The following NOA1 variants were observed in gnomAD, a reference collection of about 807,000 sequenced individuals.
NOA1 encodes the protein nitric oxide-associated protein 1.
Under a neutral mutation model 58.4 loss-of-function variants are expected in NOA1, and 35 were observed. The ratio of observed to expected loss-of-function variants is 0.60; its 90% CI spans 0.46 to 0.79. The LOEUF is 0.79. Among genes scored for constraint, NOA1 ranks in the 30% least tolerant of loss-of-function variants. NOA1 has a pLI of 0.00. For missense variants in NOA1, 895 were observed against 894.6 expected (o/e 1.00, Z -0.01); for synonymous variants, 397 against 373.4 (o/e 1.06, Z -0.73).
At chr4:56,974,526 A>G (rs1354099295) in intron 1 of NOA1, among the ~76,000 whole-genome samples, 1 of 151,896 alleles carries the variant, frequency 6.6e-6, no homozygotes. Flanking sequence ...GGTGGTGCAC[A>G]CTTGTAGTCC....
chr4:56,972,851 CT>C (rs1341435484), intron 3 of NOA1, among the ~76,000 whole-genome samples: 1 of 152,322 alleles, frequency 6.6e-6, no homozygotes. Flanking sequence ...AGATTCACCC[CT>C]AAACAGCTTT....
chr4:56,970,176 G>C (rs959117662), intron 3 of NOA1, among the ~76,000 whole-genome samples: 1 of 151,882 alleles, frequency 6.6e-6, no homozygotes, highest in Non-Finnish European at 1.5e-5. Flanking sequence ...TGTGTCTGTA[G>C]TTCCCAGCTA....
At position 56,977,237 on chromosome 4, in the gene NOA1, G is replaced by A. The variant is rs201071791; in HGVS notation, c.349C>T (p.Leu117=). The change falls in exon 1 of 7, where the codon CTA becomes TTA. Residue 117 remains leucine, a synonymous_variant. Coordinates refer to ENST00000264230, the MANE Select transcript of NOA1 (RefSeq NM_032313.4). ...GGGTGCTCCCGGGACCTGGCCCGTA[G>A]GTTTTGCTGTCGCCGCTCCTCCCGC... ...QRREERRQQN[L]RARSREHPVV... The A allele has an allele frequency of 3.1e-5, 49 of 1,595,630 alleles. No individual in the cohort carries two copies. In the African/African-American group the frequency reaches 5.5e-4, roughly 18 times the overall value.
chr4:56,977,186 A>G lies in NOA1; in HGVS notation c.400T>C (p.Leu134=), dbSNP rs1035879681. 15 of 1,565,018 alleles carry G rather than the reference A, an allele frequency of 9.6e-6. No individual in the cohort carries two copies. The African/African-American group carries it at 1.9e-4, about 20-fold the overall frequency. The part of the protein sequence containing the change: ...HPVVGHPDPA[L]PPSGVNCSGC... ...GAGCAGTTCACGCCGCTGGGCGGCA[A>G]TGCCGGGTCCGGGTGCCCCACGACC... The change falls in exon 1 of 7, where the codon TTG becomes CTG. Residue 134 remains leucine, a synonymous_variant. Coordinates refer to ENST00000264230, the MANE Select transcript of NOA1 (RefSeq NM_032313.4).
intron 6 of NOA1, 104 bp downstream of exon 6, chr4:56,964,302 G>C: frequency 5.1e-6 from 7 of 1,369,406 alleles, no homozygotes; most frequent in Non-Finnish European, 7.1e-6. Flanking sequence ...CCCGACCTCA[G>C]GTGATCCGCC....
chr4:56,967,384 A>AAAAAAAAC (rs1489613547), intron 4 of NOA1, among the ~76,000 whole-genome samples: 1 of 150,514 alleles, frequency 6.6e-6, no homozygotes, highest in Non-Finnish European at 1.5e-5. Flanking sequence ...TGTTTCAAAA[A>AAAAAAAAC]AAAAAAACAA....
intron 2 of NOA1, 76 bp downstream of exon 2, chr4:56,973,782 A>C: frequency 7.0e-7 from 1 of 1,433,638 alleles, no homozygotes; most frequent in Non-Finnish European, 9.6e-7. Context: ...CTAGCCTCGG[A>C]CAGCTGTATT....
chr4:56,977,139 G>A lies in NOA1; in HGVS notation c.447C>T (p.His149=), dbSNP rs1238297177. 3.9e-6 allele frequency: 6 copies of A among 1,557,222 alleles called. No homozygotes were observed. The Admixed American group carries it at 5.7e-5, about 15-fold the overall frequency. ...AGCCGGGCACTCCGGCGTCCTGGCAGTGCAGCTCTGCCCCACAGCCCGAGC... is the reference window on the plus strand; with the variant it reads ...AGCCGGGCACTCCGGCGTCCTGGCAATGCAGCTCTGCCCCACAGCCCGAGC... The part of the protein sequence containing the change: ...VNCSGCGAEL[H]CQDAGVPGYL... Residue 149 remains histidine (H), a synonymous_variant, in exon 1 of 7, where the codon CAC becomes CAT. Coordinates refer to ENST00000264230, the MANE Select transcript of NOA1 (RefSeq NM_032313.4).
At chr4:56,963,755 T>C (rs530694202) in intron 6 of NOA1, 94 bp from the exon 7 acceptor site, 20 of 815,838 alleles carry the variant, frequency 2.5e-5, no homozygotes, top group Non-Finnish European at 3.8e-5. Flanking sequence ...CAGAGAACGC[T>C]GTCACTCTCT....
chr4:56,975,899 T>C (rs750897380), intron 1 of NOA1, among the ~76,000 whole-genome samples: 2 of 150,872 alleles, frequency 1.3e-5, no homozygotes, highest in Non-Finnish European at 3.0e-5. Flanking sequence ...ACACAAAAAT[T>C]AGCTTGGTGT....
At chr4:56,970,385 T>C (rs1215187741) in intron 3 of NOA1, among the ~76,000 whole-genome samples, 4 of 151,754 alleles carry the variant, frequency 2.6e-5, no homozygotes, top group Non-Finnish European at 5.9e-5. Context: ...GTGGGAGAAT[T>C]GGTTGAGCCC....
chr4:56,966,240 T>A (rs993936432), intron 5 of NOA1, among the ~76,000 whole-genome samples: 1 of 152,130 alleles, frequency 6.6e-6, no homozygotes, highest in Non-Finnish European at 1.5e-5. Flanking sequence ...TTGGCCAGGC[T>A]GGTCTTGAAC....
In NOA1 at chr4:56,977,425, T is replaced by C; in HGVS notation, c.161A>G (p.Tyr54Cys). ...HSSSLGRELP[Y>C]DPVDTEGFGE... ...AAAGCCCTCCGTGTCCACGGGGTCATAAGGAAGCTCGCGTCCCAGACTCGA... is the reference window on the plus strand; with the variant it reads ...AAAGCCCTCCGTGTCCACGGGGTCACAAGGAAGCTCGCGTCCCAGACTCGA... The change falls in exon 1 of 7, where the codon TAT (tyrosine) becomes TGT (cysteine). Residue 54 changes from tyrosine (Y) to cysteine (C), a missense_variant. Tyr to Cys is a radical substitution (Grantham distance 194). Around this residue, in one of 3 missense-constraint regions of NOA1, gnomAD observed 680 missense variants for 656.5 expected, o/e 1.04. Coordinates refer to ENST00000264230, the MANE Select transcript of NOA1 (RefSeq NM_032313.4). 2 of 1,614,094 alleles carry C rather than the reference T, an allele frequency of 1.2e-6. No individual in the cohort carries two copies. Among genetic ancestry groups the C allele is most frequent in the East Asian group, 2.2e-5 (1 of 44,864 alleles).
chr4:56,974,429 A>T (rs1490668744), intron 1 of NOA1, among the ~76,000 whole-genome samples: 1 of 152,102 alleles, frequency 6.6e-6, no homozygotes, highest in Non-Finnish European at 1.5e-5. Flanking sequence ...AGGCGGGTGG[A>T]TCACTTGAGG....
At chr4:56,974,081 C>CCACCG in intron 1 of NOA1, 59 bp from the exon 2 acceptor site, 1 of 1,190,290 alleles carries the variant, frequency 8.4e-7, no homozygotes, top group Non-Finnish European at 1.2e-6. Flanking sequence ...AGAAAATGAA[C>CCACCG]ATTTTTGAGG....
intron 1 of NOA1, among the ~76,000 whole-genome samples, chr4:56,976,110 C>T (rs933725766): frequency 9.9e-5 from 15 of 152,206 alleles, no homozygotes; most frequent in African/African-American, 3.4e-4. Flanking sequence ...AGGACGCACA[C>T]TTTCTGGAAC....
chr4:56,971,315 C>CAAAA (rs35120609), intron 3 of NOA1, among the ~76,000 whole-genome samples: 1 of 53,268 alleles, frequency 1.9e-5, no homozygotes, highest in Non-Finnish European at 3.4e-5. Context: ...GACTCCATCT[C>CAAAA]AAAAAAAAAA....
intron 4 of NOA1, among the ~76,000 whole-genome samples, chr4:56,967,812 C>G (rs1313866976): frequency 6.6e-6 from 1 of 152,060 alleles, no homozygotes; most frequent in Non-Finnish European, 1.5e-5. Flanking sequence ...GGGATAGTAT[C>G]TTGTCTTAAA....
rs61747375 is a variant in NOA1 at position 56,963,503 on chromosome 4, G to C, written c.2044C>G (p.Pro682Ala). 8.7e-6 allele frequency: 14 copies of C among 1,613,894 alleles called. No individual in the cohort carries two copies. Among genetic ancestry groups the C allele is most frequent in the Admixed American group, 5.0e-5 (3 of 59,966 alleles). The change falls in exon 7 of 7, where the codon CCT (proline) becomes GCT (alanine). Residue 682 changes from proline (P) to alanine (A), a missense_variant. Transcript: ENST00000264230. Reference protein sequence around the residue: ...KKSVAYKTKKPPSLMYNVRKK... With the variant: ...KKSVAYKTKKAPSLMYNVRKK... ...CTCACGTTGTACATAAGGGAAGGAG[G>C]CTTCTTGGTTTTATAGGCCACACTT...
Sources: gnomAD v4.1 joint callset for allele counts (sites outside exome capture counted in the v4.1 genomes callset) on GRCh38, gnomAD v4.1.1 for gene constraint, gnomAD v4.1.1 regional missense constraint, MANE v1.5 for transcripts, NCBI Gene and HGNC (gene_info 2026-07-23, HGNC 2026-07-21) for gene names.